Variants in RNF125 observed in about 807,000 individuals in gnomAD.
RNF125 encodes ring finger protein 125.
Under a neutral mutation model 26.0 loss-of-function variants are expected in RNF125, and 21 were observed. That is an observed-to-expected ratio of 0.81 (90% CI 0.57 to 1.16). The LOEUF (loss-of-function observed/expected upper bound fraction) is 1.16, where lower values mean the gene tolerates loss of function less well. Among genes scored for constraint, RNF125 ranks in the 50% most tolerant of loss-of-function variants. The pLI is 0.00. For missense variants in RNF125, 270 were observed against 299.4 expected (o/e 0.90, Z 0.72); for synonymous variants, 95 against 109.2 (o/e 0.87, Z 0.81).
intron 3 of RNF125, among the ~76,000 whole-genome samples, chr18:32,044,152 G>A (rs1339388391): frequency 1.3e-5 from 2 of 151,998 alleles, no homozygotes; most frequent in African/African-American, 2.4e-5. Flanking sequence ...GATTACAGGC[G>A]TGTGCCACCA....
intron 1 of RNF125, among the ~76,000 whole-genome samples, chr18:32,024,253 C>T (rs1226039384): frequency 2.5e-5 from 3 of 118,444 alleles, no homozygotes; most frequent in Admixed American, 9.6e-5. Flanking sequence ...CCCAGGCTGG[C>T]GTGCAGTGGC....
intron 4 of RNF125, among the ~76,000 whole-genome samples, chr18:32,056,189 A>G (rs1204627283): frequency 2.0e-5 from 3 of 152,026 alleles, no homozygotes; most frequent in African/African-American, 7.2e-5. Flanking sequence ...AGTGGCTCAC[A>G]TAGGAAGAAG....
chr18:32,060,918 A>T (rs942279886), intron 4 of RNF125, among the ~76,000 whole-genome samples: 3 of 152,206 alleles, frequency 2.0e-5, no homozygotes, highest in Non-Finnish European at 4.4e-5. Context: ...CTAGCTACTC[A>T]GGAGGCTGAG....
chr18:32,089,455 C>T, the RNF125 span, among the ~76,000 whole-genome samples: 12 of 152,238 alleles, frequency 7.9e-5, no homozygotes, highest in African/African-American at 2.9e-4. Context: ...CACAGTTTAC[C>T]AAATCGGTCT....
intron 4 of RNF125, among the ~76,000 whole-genome samples, chr18:32,050,088 A>G (rs1217459102): frequency 2.6e-5 from 4 of 152,278 alleles, no homozygotes; most frequent in Admixed American, 2.0e-4. Flanking sequence ...CTTACCTCAC[A>G]TAAGAGGTTT....
intron 1 of RNF125, among the ~76,000 whole-genome samples, chr18:32,023,590 T>C (rs953889775): frequency 1.3e-5 from 2 of 152,220 alleles, no homozygotes; most frequent in Admixed American, 6.5e-5. Context: ...AGTTTGATCA[T>C]GTATCTAAGT....
chr18:32,078,493 T>C, the RNF125 span, among the ~76,000 whole-genome samples: 6 of 152,092 alleles, frequency 3.9e-5, no homozygotes, highest in African/African-American at 1.4e-4. Context: ...CATTCATAGC[T>C]GGGCACGGTG....
At chr18:32,030,953 CAG>C (rs2039087578) in intron 1 of RNF125, 1 of 152,194 alleles carries the variant, frequency 6.6e-6, no homozygotes. Context: ...CCTCCTGCCT[CAG>C]AGAGTTGGCT....
rs966640747 is a variant in RNF125, at chr18:32,072,774, A to G, written c.*4390A>G. The G allele has an allele frequency of 2.0e-5, 3 of 152,198 alleles. No individual in the cohort carries two copies. Among genetic ancestry groups the G allele is most frequent in the African/African-American group, 7.2e-5 (3 of 41,438 alleles). 9.4% of individuals were successfully genotyped at this position (152,198 alleles called of 1,614,324 possible). On this transcript the variant is annotated 3_prime_UTR_variant, in exon 6 of 6. Coordinates refer to ENST00000217740, the MANE Select transcript of RNF125 (RefSeq NM_017831.4). Reference sequence around the variant, plus strand: ...CAACTTTTTCAGGGCCTTATTAGAGAAAAACTGATTCACATGTTATTCTTC... The same window carrying G: ...CAACTTTTTCAGGGCCTTATTAGAGGAAAACTGATTCACATGTTATTCTTC...
intron 2 of RNF125, among the ~76,000 whole-genome samples, chr18:32,041,295 C>G (rs192725648): frequency 6.6e-6 from 1 of 152,224 alleles, no homozygotes; most frequent in Non-Finnish European, 1.5e-5. Flanking sequence ...CTTAATGGGA[C>G]CATTAAGTAT....
intron 4 of RNF125, among the ~76,000 whole-genome samples, chr18:32,065,052 T>C (rs1361690976): frequency 6.6e-6 from 1 of 152,232 alleles, no homozygotes; most frequent in Non-Finnish European, 1.5e-5. Context: ...CAAATAGTTA[T>C]ATTGTTATGT....
intron 1 of RNF125, among the ~76,000 whole-genome samples, chr18:32,029,142 C>G (rs999357441): frequency 6.6e-6 from 1 of 151,970 alleles, no homozygotes; most frequent in Non-Finnish European, 1.5e-5. Context: ...AGTTCTTTTT[C>G]CTTTGGTGGA....
At chr18:32,053,128 C>T (rs1365035416) in intron 4 of RNF125, among the ~76,000 whole-genome samples, 6 of 152,130 alleles carry the variant, frequency 3.9e-5, no homozygotes, top group Admixed American at 2.0e-4. Flanking sequence ...TTCGGGAGGC[C>T]GAGGCAGGGA....
rs1402922687 is a variant in RNF125, at chr18:32,068,597, C to G, written c.*213C>G. The G allele has an allele frequency of 4.6e-6, 2 of 432,382 alleles. No homozygotes were observed. Among genetic ancestry groups the G allele is most frequent in the East Asian group, 7.9e-5 (2 of 25,188 alleles). 26.8% of individuals were successfully genotyped at this position (432,382 alleles called of 1,614,324 possible). A position where few individuals can be genotyped will look rare whatever the true frequency, so the allele number is the denominator to read the frequency against. On this transcript the variant is annotated 3_prime_UTR_variant, in exon 6 of 6. Transcript: ENST00000217740. ...ATCCTTGAGATTCTTACACATCTAACAACAAAAAAAATTATCTACATCAGT... is the reference window on the plus strand; with the variant it reads ...ATCCTTGAGATTCTTACACATCTAAGAACAAAAAAAATTATCTACATCAGT...
chr18:32,058,131 C>CT (rs1486032311), intron 4 of RNF125, among the ~76,000 whole-genome samples: 2 of 109,716 alleles, frequency 1.8e-5, no homozygotes, highest in South Asian at 3.2e-4. Flanking sequence ...GACCCCATCT[C>CT]TAAAAAAAAA....
chr18:32,086,929 G>T, the RNF125 span, among the ~76,000 whole-genome samples: 1 of 152,094 alleles, frequency 6.6e-6, no homozygotes, highest in Non-Finnish European at 1.5e-5. Flanking sequence ...TGGAATTACA[G>T]GAATGAGCCA....
intron 1 of RNF125, among the ~76,000 whole-genome samples, chr18:32,034,448 T>G (rs1186762757): frequency 6.6e-6 from 1 of 152,166 alleles, no homozygotes; most frequent in Non-Finnish European, 1.5e-5. Flanking sequence ...CACTGTTCCT[T>G]TACGTGATCT....
At chr18:32,024,192 CT>C (rs1236240547) in intron 1 of RNF125, among the ~76,000 whole-genome samples, 365 of 71,570 alleles carry the variant, frequency 5.1e-3, no homozygotes, top group African/African-American at 0.015. Flanking sequence ...TCATGCCATT[CT>C]TTTTTTTTTT....
At chr18:32,032,760 G>C (rs1265366951) in intron 1 of RNF125, among the ~76,000 whole-genome samples, 1 of 152,142 alleles carries the variant, frequency 6.6e-6, no homozygotes, top group Non-Finnish European at 1.5e-5. Flanking sequence ...TTGGGAGGCT[G>C]AGGCAGGAGA....
Sources: gnomAD v4.1 joint callset for allele counts (sites outside exome capture counted in the v4.1 genomes callset) on GRCh38, gnomAD v4.1.1 for gene constraint, MANE v1.5 for transcripts, NCBI Gene and HGNC (gene_info 2026-07-23, HGNC 2026-07-21) for gene names.